CFAP44: variants seen among roughly 807,000 people sequenced by gnomAD.
CFAP44 encodes the protein cilia and flagella associated protein 44, also known as cilia- and flagella-associated protein 44.
In CFAP44, 134 loss-of-function variants were observed where a neutral mutation model predicts 216.2. That is an observed-to-expected ratio of 0.62 (90% CI 0.54 to 0.72). CFAP44 has a LOEUF of 0.72. Among genes scored for constraint, CFAP44 ranks in the 30% least tolerant of loss-of-function variants. The pLI, the probability that CFAP44 is intolerant of heterozygous loss-of-function variation, is 0.00. For synonymous variants in CFAP44, 700 were observed against 727.6 expected, an observed-to-expected ratio of 0.96 and a Z score of 0.61; for missense variants, 2,035 against 2,182.1, an observed-to-expected ratio of 0.93 and a Z score of 1.34.
At chr3:113,367,404 A>G (rs574782697) in intron 18 of CFAP44, among the ~76,000 whole-genome samples, 18 of 152,284 alleles carry the variant, frequency 1.2e-4, no homozygotes, top group South Asian at 4.1e-4. Context: ...AATATTTGCC[A>G]TTCTGCAGCC....
chr3:113,338,529 G>T (rs980295920), intron 24 of CFAP44, among the ~76,000 whole-genome samples: 13 of 151,788 alleles, frequency 8.6e-5, no homozygotes, highest in African/African-American at 3.2e-4. Flanking sequence ...TGCTTGTCAC[G>T]TGAAACTACC....
At chr3:113,298,409 G>GA (rs1470202772) in intron 32 of CFAP44, among the ~76,000 whole-genome samples, 1 of 152,200 alleles carries the variant, frequency 6.6e-6, no homozygotes, top group Non-Finnish European at 1.5e-5. Flanking sequence ...TAGAGATGGA[G>GA]AAAGGCAACA....
At position 113,411,570 on chromosome 3, in the gene CFAP44, T is replaced by C. The variant is rs538172918; in HGVS notation, c.674-2248A>G. Among the ~76,000 whole-genome samples the C allele has an allele frequency of 7.9e-5, 12 of 152,246 alleles. 1 individual carries two copies. Among genetic ancestry groups the C allele is most frequent in the Middle Eastern group, 3.4e-3 (1 of 294 alleles). The stretch of plus-strand genomic sequence containing the variant: ...GTAGCCTTGTAGTATAGTTTGAAGT[T>C]AGGTAGCATGATACCTCCAGCTTTG... On this transcript the variant is annotated intron_variant, in intron 6 of 34. Coordinates refer to ENST00000393845, the MANE Select transcript of CFAP44 (RefSeq NM_001164496.2).
rs1343662669 is a variant in CFAP44 at position 113,433,608 on chromosome 3, A to G, written c.57T>C (p.Ser19=). The stretch of plus-strand genomic sequence containing the variant: ...AAGACCTCAGAGACTTCTTCCCATC[A>G]CTCTTTGATGTAACTGATTTCTCCC... The part of the protein sequence containing the change: ...TDGEKSVTSK[S]DGKKSLRSSK... Residue 19 remains serine (S), a synonymous_variant, in exon 2 of 35, where the codon AGT becomes AGC. Coordinates refer to ENST00000393845, the MANE Select transcript of CFAP44 (RefSeq NM_001164496.2). 1.2e-6 allele frequency: 2 copies of G among 1,613,184 alleles called. No individual in the cohort carries two copies. The highest frequency in any genetic ancestry group is 2.2e-5 in the East Asian group (1 of 44,844).
At chr3:113,307,616 A>C (rs566688643) in intron 29 of CFAP44, among the ~76,000 whole-genome samples, 1 of 152,368 alleles carries the variant, frequency 6.6e-6, no homozygotes, top group Non-Finnish European at 1.5e-5. Context: ...ACTTTGATGT[A>C]TCCTTAGCAT....
intron 24 of CFAP44, among the ~76,000 whole-genome samples, chr3:113,339,046 T>G (rs1286174306): frequency 6.6e-6 from 1 of 152,184 alleles, no homozygotes; most frequent in African/African-American, 2.4e-5. Flanking sequence ...TGGATTGCCT[T>G]GCAAGCTATA....
Position 113,291,498 on chromosome 3 carries a change from G to A in CFAP44, c.*59C>T, listed in dbSNP as rs1949828307. On this transcript the variant is annotated 3_prime_UTR_variant, in exon 35 of 35. Transcript: ENST00000393845. ...ATAAGATTGTTGGAGGTGATGAGGA[G>A]ACAGAACTTCCAGTGAGTTATGTCA... 3 of 1,504,852 alleles carry A rather than the reference G, an allele frequency of 2.0e-6. No individual in the cohort carries two copies. Among genetic ancestry groups the A allele is most frequent in the Non-Finnish European group, 1.8e-6 (2 of 1,124,970 alleles). The allele number at this position is 1,504,852 out of a possible 1,614,324, so 93.2% of individuals were successfully genotyped here. A position where few individuals can be genotyped will look rare whatever the true frequency, so the allele number is the denominator to read the frequency against.
Position 113,303,948 on chromosome 3 carries a change from C to T in CFAP44, c.5045G>A (p.Arg1682Gln), listed in dbSNP as rs372239613. Reference sequence around the variant, plus strand: ...GGTTTTTGTCATTTCTCTCTTTTCTCGGATGAGCTGTTTACGTCTCTCTCT... The same window carrying T: ...GGTTTTTGTCATTTCTCTCTTTTCTTGGATGAGCTGTTTACGTCTCTCTCT... ...EWRERRKQLI[R>Q]EKREMTKTIH... The change falls in exon 32 of 35, where the codon CGA (arginine) becomes CAA (glutamine). Residue 1682 changes from arginine to glutamine, a missense_variant. This residue lies in a region of CFAP44 where 1,883 missense variants were observed against 2,023.7 expected (regional missense o/e 0.93). Coordinates refer to ENST00000393845, the MANE Select transcript of CFAP44 (RefSeq NM_001164496.2). The T allele has an allele frequency of 4.1e-4, 626 of 1,537,542 alleles. No homozygotes were observed. The highest frequency in any genetic ancestry group is 5.3e-4 in the Non-Finnish European group (608 of 1,147,006).
chr3:113,430,886 T>C (rs1193404161), intron 2 of CFAP44, among the ~76,000 whole-genome samples: 1 of 152,184 alleles, frequency 6.6e-6, no homozygotes, highest in Non-Finnish European at 1.5e-5. Context: ...TTGATAAGCA[T>C]AAGAAATCAA....
chr3:113,395,878 C>T lies in CFAP44; in HGVS notation c.1780-18G>A. ...TCTTTACTCTAAGGAAAAAGAGACA[C>T]ACCGACGAAATATATATTACTATGA... On this transcript the variant is annotated intron_variant, in intron 14 of 34. Coordinates refer to ENST00000393845, the MANE Select transcript of CFAP44 (RefSeq NM_001164496.2). 1.3e-6 allele frequency: 2 copies of T among 1,574,536 alleles called. No individual in the cohort carries two copies. The highest frequency in any genetic ancestry group is 1.7e-6 in the Non-Finnish European group (2 of 1,147,590).
chr3:113,419,459 A>G (rs1934747051), intron 5 of CFAP44, among the ~76,000 whole-genome samples: 1 of 152,242 alleles, frequency 6.6e-6, no homozygotes, highest in African/African-American at 2.4e-5. Flanking sequence ...CTTATTAATT[A>G]GTCTTATAAC....
intron 1 of CFAP44, among the ~76,000 whole-genome samples, chr3:113,440,309 C>A (rs949263620): frequency 2.6e-5 from 4 of 152,234 alleles, no homozygotes; most frequent in African/African-American, 9.6e-5. Context: ...GATCTACCCA[C>A]CTCCGCCTCC....
chr3:113,309,638 T>C (rs1290734460), intron 28 of CFAP44, among the ~76,000 whole-genome samples: 16 of 152,182 alleles, frequency 1.1e-4, no homozygotes, highest in Admixed American at 1.0e-3. Context: ...CAAAACACCC[T>C]GAGGTCATCT....
intron 11 of CFAP44, 97 bp downstream of exon 11, chr3:113,401,143 G>T: frequency 8.6e-7 from 1 of 1,167,554 alleles, no homozygotes; most frequent in Non-Finnish European, 1.2e-6. Context: ...TGAGGACCAT[G>T]ATGAAATATG....
intron 4 of CFAP44, among the ~76,000 whole-genome samples, chr3:113,423,233 G>A (rs1934867806): frequency 6.8e-6 from 1 of 147,106 alleles, no homozygotes. Context: ...TCCCACCTCA[G>A]CCCCCCAGGT....
intron 23 of CFAP44, among the ~76,000 whole-genome samples, chr3:113,344,139 G>A (rs4682133): frequency 0.23 from 35,244 of 152,070 alleles, 4,320 homozygotes; most frequent in East Asian, 0.41. Context: ...AATCTAAAAC[G>A]AACCACTGCC....
At chr3:113,437,162 C>T (rs1287297998) in intron 1 of CFAP44, among the ~76,000 whole-genome samples, 2 of 152,038 alleles carry the variant, frequency 1.3e-5, no homozygotes, top group East Asian at 3.9e-4. Flanking sequence ...ACTTATGGTG[C>T]CCTTTAAAGC....
At chr3:113,369,528 A>G (rs1933076958) in intron 18 of CFAP44, among the ~76,000 whole-genome samples, 2 of 152,258 alleles carry the variant, frequency 1.3e-5, no homozygotes, top group African/African-American at 2.4e-5. Flanking sequence ...CTTTGAAACC[A>G]ATGAGAACAA....
chr3:113,322,477 A>C (rs893232755), intron 28 of CFAP44, among the ~76,000 whole-genome samples: 1 of 152,208 alleles, frequency 6.6e-6, no homozygotes, highest in Admixed American at 6.5e-5. Flanking sequence ...GGCAACAAAC[A>C]TGAAAAAAAT....
Sources: allele counts gnomAD v4.1 joint callset (sites outside exome capture counted in the v4.1 genomes callset), GRCh38; gene constraint gnomAD v4.1.1; regional missense constraint gnomAD v4.1.1; transcripts MANE v1.5; gene names NCBI Gene and HGNC (gene_info 2026-07-23, HGNC 2026-07-21).